The following VDAC1 variants were observed in gnomAD, a reference collection of about 807,000 sequenced individuals.
VDAC1 encodes voltage dependent anion channel 1.
Under a neutral mutation model 34.7 loss-of-function variants are expected in VDAC1, and 10 were observed. That is an observed-to-expected ratio of 0.29 (90% confidence interval 0.18 to 0.49). VDAC1 has a LOEUF of 0.49. Among genes scored for constraint, VDAC1 ranks in the 20% least tolerant of loss-of-function variants. The pLI is 0.99. For synonymous variants in VDAC1, 130 were observed against 136.0 expected, an observed-to-expected ratio of 0.96 and a Z score of 0.30; for missense variants, 230 against 347.9, an observed-to-expected ratio of 0.66 and a Z score of 2.69.
the VDAC1 span, among the ~76,000 whole-genome samples, chr5:134,080,053 G>GC: frequency 6.6e-6 from 1 of 152,354 alleles, no homozygotes; most frequent in South Asian, 2.1e-4. Flanking sequence ...GGGACGTGAG[G>GC]CCCGGCCAGT....
At chr5:133,980,038 A>G (rs1752632592) in intron 6 of VDAC1, among the ~76,000 whole-genome samples, 1 of 152,242 alleles carries the variant, frequency 6.6e-6, no homozygotes, top group Non-Finnish European at 1.5e-5. Flanking sequence ...TTACTTCTTT[A>G]GTGACCTCTA....
chr5:134,061,274 G>A, the VDAC1 span, among the ~76,000 whole-genome samples: 2 of 144,236 alleles, frequency 1.4e-5, no homozygotes, highest in Non-Finnish European at 3.0e-5. Context: ...GGATATAATT[G>A]TTAAATATTT....
At chr5:134,114,214 C>G in the VDAC1 span, among the ~76,000 whole-genome samples, 2 of 152,188 alleles carry the variant, frequency 1.3e-5, no homozygotes, top group East Asian at 3.9e-4. Context: ...GCCGCAACAG[C>G]GCCGCGGAGT....
At chr5:134,101,196 T>TA in the VDAC1 span, among the ~76,000 whole-genome samples, 1 of 152,214 alleles carries the variant, frequency 6.6e-6, no homozygotes, top group Non-Finnish European at 1.5e-5. Flanking sequence ...CAGCATGGCT[T>TA]CAAATCCTGC....
At chr5:134,029,892 A>C in the VDAC1 span, among the ~76,000 whole-genome samples, 1 of 152,212 alleles carries the variant, frequency 6.6e-6, no homozygotes, top group East Asian at 1.9e-4. Flanking sequence ...GCACAGAACT[A>C]TACACACACA....
chr5:134,077,977 T>C, the VDAC1 span, among the ~76,000 whole-genome samples: 1 of 152,216 alleles, frequency 6.6e-6, no homozygotes, highest in African/African-American at 2.4e-5. Context: ...TTTTTCCTTA[T>C]TAAAGCAAGC....
At chr5:134,013,873 C>T in the VDAC1 span, among the ~76,000 whole-genome samples, 1 of 151,520 alleles carries the variant, frequency 6.6e-6, no homozygotes, top group East Asian at 2.0e-4. Flanking sequence ...ATCCGGGAGG[C>T]GGAGGTTGCA....
the VDAC1 span, among the ~76,000 whole-genome samples, chr5:134,088,126 G>A: frequency 6.6e-6 from 1 of 152,206 alleles, no homozygotes; most frequent in East Asian, 1.9e-4. Flanking sequence ...CTGCACTCCA[G>A]CCTGGGTGAC....
the VDAC1 span, among the ~76,000 whole-genome samples, chr5:134,061,694 A>G: frequency 2.6e-5 from 4 of 151,452 alleles, no homozygotes; most frequent in African/African-American, 4.8e-5. Context: ...TATGAAGACA[A>G]TCATGTCTTC....
the VDAC1 span, among the ~76,000 whole-genome samples, chr5:134,019,201 C>T: frequency 6.6e-6 from 1 of 152,040 alleles, no homozygotes; most frequent in South Asian, 2.1e-4. Context: ...AAAAACCCTA[C>T]AAGTAGACAC....
At chr5:134,014,225 G>T in the VDAC1 span, among the ~76,000 whole-genome samples, 1,010 of 152,014 alleles carry the variant, frequency 6.6e-3, 10 homozygotes, top group Non-Finnish European at 0.01. Context: ...GGGCGGTGGA[G>T]GTTGCAGTGA....
the VDAC1 span, among the ~76,000 whole-genome samples, chr5:134,054,260 G>C: frequency 1.8e-4 from 27 of 152,212 alleles, no homozygotes; most frequent in African/African-American, 5.8e-4. Context: ...GGTGGCTAGG[G>C]CGGGGCTGCC....
At chr5:134,100,284 C>T in the VDAC1 span, among the ~76,000 whole-genome samples, 3 of 152,214 alleles carry the variant, frequency 2.0e-5, no homozygotes, top group African/African-American at 4.8e-5. Flanking sequence ...AGAGGAGGCA[C>T]AAACCAGCCA....
intron 6 of VDAC1, among the ~76,000 whole-genome samples, chr5:133,980,265 T>A (rs2126919614): frequency 6.6e-6 from 1 of 152,362 alleles, no homozygotes; most frequent in East Asian, 1.9e-4. Flanking sequence ...CAATAGTTAC[T>A]TTTACATGCT....
rs1433502216 is a variant in VDAC1 at position 133,972,373 on chromosome 5, C to G, written c.*398G>C. On this transcript the variant is annotated 3_prime_UTR_variant, in exon 9 of 9. Coordinates refer to ENST00000265333, the MANE Select transcript of VDAC1 (RefSeq NM_003374.3). Reference sequence around the variant, plus strand: ...TCCCATTCAGGTGAGTTTGTACACACCATCAAGCAGCGAGCCTCTCATCAA... The same window carrying G: ...TCCCATTCAGGTGAGTTTGTACACAGCATCAAGCAGCGAGCCTCTCATCAA... 2.6e-6 allele frequency: 1 copy of G among 390,326 alleles called. No homozygotes were observed. Among genetic ancestry groups the G allele is most frequent in the African/African-American group, 2.1e-5 (1 of 48,282 alleles). 24.2% of individuals were successfully genotyped at this position (390,326 alleles called of 1,614,324 possible). A position where few individuals can be genotyped will look rare whatever the true frequency, so the allele number is the denominator to read the frequency against.
the VDAC1 span, among the ~76,000 whole-genome samples, chr5:134,061,301 T>G: frequency 6.6e-6 from 1 of 151,616 alleles, no homozygotes; most frequent in Non-Finnish European, 1.5e-5. Flanking sequence ...CACATTTGTA[T>G]ACTGACTTTA....
At chr5:134,056,236 C>G in the VDAC1 span, among the ~76,000 whole-genome samples, 2 of 70,172 alleles carry the variant, frequency 2.9e-5, no homozygotes, top group African/African-American at 1.6e-4. Context: ...AGTGAAACTC[C>G]GTCTCAAAAA....
At chr5:134,020,332 G>C in the VDAC1 span, among the ~76,000 whole-genome samples, 1 of 151,814 alleles carries the variant, frequency 6.6e-6, no homozygotes, top group East Asian at 2.0e-4. Flanking sequence ...GTTCTTCCAC[G>C]ACTCCCCCGC....
chr5:134,087,144 G>A, the VDAC1 span, among the ~76,000 whole-genome samples: 3 of 152,072 alleles, frequency 2.0e-5, no homozygotes, highest in African/African-American at 4.8e-5. Flanking sequence ...CTTTACCTAC[G>A]GTTTCAGAGG....
Sources: gnomAD v4.1 joint callset for allele counts (sites outside exome capture counted in the v4.1 genomes callset) on GRCh38, gnomAD v4.1.1 for gene constraint, MANE v1.5 for transcripts, NCBI Gene and HGNC (gene_info 2026-07-23, HGNC 2026-07-21) for gene names.